HS6ST3: variants seen among roughly 807,000 people sequenced by gnomAD.
The protein encoded by HS6ST3 is heparan-sulfate 6-O-sulfotransferase 3.
A neutral mutation model predicts 36.7 loss-of-function variants in HS6ST3; 12 were observed. The observed-to-expected ratio is 0.33, with a 90% CI of 0.21 to 0.53. HS6ST3 has a LOEUF of 0.53. Among genes scored for constraint, HS6ST3 ranks in the 20% least tolerant of loss-of-function variants. HS6ST3 has a pLI of 0.95. For missense variants in HS6ST3, 584 were observed against 640.9 expected (o/e 0.91, Z 0.96); for synonymous variants, 240 against 257.5 (o/e 0.93, Z 0.65).
intron 1 of HS6ST3, among the ~76,000 whole-genome samples, chr13:96,592,792 T>C (rs1014179691): frequency 2.2e-4 from 34 of 152,122 alleles, no homozygotes; most frequent in Admixed American, 1.3e-4. Flanking sequence ...CACTAAAAAG[T>C]CTGCTTCTAG....
chr13:96,096,479 T>C (rs926619687), intron 1 of HS6ST3, among the ~76,000 whole-genome samples: 6 of 152,132 alleles, frequency 3.9e-5, no homozygotes, highest in Admixed American at 3.9e-4. Context: ...AAGCTGAGTG[T>C]GGGGTATCTT....
At chr13:96,278,264 GT>G (rs2054758321) in intron 1 of HS6ST3, among the ~76,000 whole-genome samples, 1 of 152,138 alleles carries the variant, frequency 6.6e-6, no homozygotes, top group Non-Finnish European at 1.5e-5. Flanking sequence ...TTTTGTTTGT[GT>G]GGCAAGAAAC....
intron 1 of HS6ST3, among the ~76,000 whole-genome samples, chr13:96,250,837 A>G (rs979314453): frequency 1.3e-5 from 2 of 152,196 alleles, no homozygotes; most frequent in African/African-American, 4.8e-5. Context: ...GCATAGATTG[A>G]GATAATTATA....
At chr13:96,597,981 G>T (rs1010392657) in intron 1 of HS6ST3, among the ~76,000 whole-genome samples, 1 of 151,972 alleles carries the variant, frequency 6.6e-6, no homozygotes, top group Non-Finnish European at 1.5e-5. Flanking sequence ...TTAGTTTATT[G>T]TACATATTTA....
At chr13:96,480,238 C>T (rs537991423) in intron 1 of HS6ST3, among the ~76,000 whole-genome samples, 48 of 152,236 alleles carry the variant, frequency 3.2e-4, no homozygotes, top group Non-Finnish European at 5.1e-4. Flanking sequence ...CTCAGCCTCC[C>T]GAGTGGCTGG....
intron 1 of HS6ST3, among the ~76,000 whole-genome samples, chr13:96,396,067 A>C (rs1355699919): frequency 6.6e-6 from 1 of 152,118 alleles, no homozygotes; most frequent in Non-Finnish European, 1.5e-5. Flanking sequence ...TAAACCTGGC[A>C]CTTTGGGAGG....
intron 1 of HS6ST3, among the ~76,000 whole-genome samples, chr13:96,455,759 T>G (rs192701791): frequency 6.2e-4 from 94 of 152,362 alleles, no homozygotes; most frequent in African/African-American, 2.2e-3. Context: ...TTGACTTTAT[T>G]GTAAACCAGT....
At chr13:96,135,968 T>G (rs926247077) in intron 1 of HS6ST3, among the ~76,000 whole-genome samples, 2 of 152,206 alleles carry the variant, frequency 1.3e-5, no homozygotes, top group Non-Finnish European at 2.9e-5. Flanking sequence ...GCAGCCTGCA[T>G]TCCACCGGTG....
At position 96,187,093 on chromosome 13, in the gene HS6ST3, A is replaced by T. The variant is rs1190213633; in HGVS notation, c.707+95524A>T. ...TGTTGCCACAACTGAGGCACCAAAC[A>T]CATGTCCTCTACTTTGGTACTGGCA... On this transcript the variant is annotated intron_variant, in intron 1 of 1. Transcript: ENST00000376705. Among the ~76,000 whole-genome samples, 5 of 152,330 alleles carry T rather than the reference A, an allele frequency of 3.3e-5. No homozygotes were observed. The East Asian group carries it at 5.8e-4, about 18-fold the overall frequency.
chr13:96,741,850 C>T (rs1876446245), intron 1 of HS6ST3, among the ~76,000 whole-genome samples: 1 of 152,146 alleles, frequency 6.6e-6, no homozygotes, highest in African/African-American at 2.4e-5. Flanking sequence ...GCTCATTGAA[C>T]ACATGGATGG....
chr13:96,521,994 T>A (rs112942652), intron 1 of HS6ST3, among the ~76,000 whole-genome samples: 121,859 of 152,088 alleles, frequency 0.8, 50,257 homozygotes, highest in Non-Finnish European at 0.9. Flanking sequence ...ATTTAGTGCT[T>A]TAAATTTCCC....
At chr13:96,203,579 T>C (rs2054354045) in intron 1 of HS6ST3, among the ~76,000 whole-genome samples, 1 of 152,228 alleles carries the variant, frequency 6.6e-6, no homozygotes, top group Non-Finnish European at 1.5e-5. Flanking sequence ...GCTTCCACTG[T>C]CTTCTTTCAA....
At chr13:96,574,245 G>A (rs1476031543) in intron 1 of HS6ST3, 2 of 446,672 alleles carry the variant, frequency 4.5e-6, no homozygotes, top group Non-Finnish European at 8.9e-6. Context: ...TACCTGGACT[G>A]GGAGATAGGG....
At chr13:96,528,341 TC>T (rs1317143376) in intron 1 of HS6ST3, among the ~76,000 whole-genome samples, 2 of 152,180 alleles carry the variant, frequency 1.3e-5, no homozygotes, top group Non-Finnish European at 2.9e-5. Flanking sequence ...GTGAGCCTAT[TC>T]ACTTTGAGGA....
chr13:96,391,424 A>C (rs1334623794), intron 1 of HS6ST3, among the ~76,000 whole-genome samples: 9 of 152,174 alleles, frequency 5.9e-5, no homozygotes, highest in Admixed American at 6.6e-5. Flanking sequence ...ATGGCAAACA[A>C]TTTGAGTTGT....
chr13:96,459,728 GCT>G (rs2055773318), intron 1 of HS6ST3, among the ~76,000 whole-genome samples: 1 of 152,158 alleles, frequency 6.6e-6, no homozygotes, highest in South Asian at 2.1e-4. Context: ...ATTAGCTACA[GCT>G]CCATCCCAAG....
At chr13:96,470,486 C>G (rs2055835324) in intron 1 of HS6ST3, among the ~76,000 whole-genome samples, 1 of 152,064 alleles carries the variant, frequency 6.6e-6, no homozygotes. Context: ...CAAAAGAAAC[C>G]CTCTTCAAGA....
At chr13:96,407,375 A>G (rs2055484016) in intron 1 of HS6ST3, among the ~76,000 whole-genome samples, 1 of 152,202 alleles carries the variant, frequency 6.6e-6, no homozygotes, top group Non-Finnish European at 1.5e-5. Context: ...GTGCTCAGCC[A>G]TTCACTCCCT....
At chr13:96,376,845 G>A (rs7317903) in intron 1 of HS6ST3, among the ~76,000 whole-genome samples, 32 of 152,086 alleles carry the variant, frequency 2.1e-4, no homozygotes, top group African/African-American at 7.7e-4. Flanking sequence ...GGTGGGCAAG[G>A]TAGCTCATGC....
Sources: allele counts gnomAD v4.1 joint callset (sites outside exome capture counted in the v4.1 genomes callset), GRCh38; gene constraint gnomAD v4.1.1; transcripts MANE v1.5; gene names NCBI Gene and HGNC (gene_info 2026-07-23, HGNC 2026-07-21).